The following MAP2 variants were observed in gnomAD, a reference collection of about 807,000 sequenced individuals.
MAP2 encodes microtubule-associated protein 2.
In MAP2, 14 loss-of-function variants were observed where a neutral mutation model predicts 137.6. The observed-to-expected ratio is 0.10, with a 90% CI of 0.07 to 0.16. The LOEUF is 0.16. MAP2 is among the 10% of genes least tolerant of loss of function. The pLI, the probability that MAP2 is intolerant of heterozygous loss-of-function variation, is 1.00. For synonymous variants in MAP2, 786 were observed against 782.3 expected (o/e 1.00, Z -0.08); for missense variants, 2,088 against 2,191.5 (o/e 0.95, Z 0.94).
chr2:209,447,192 T>G (rs1378083779), intron 1 of MAP2, among the ~76,000 whole-genome samples: 1 of 151,966 alleles, frequency 6.6e-6, no homozygotes, highest in East Asian at 1.9e-4. Flanking sequence ...ATCCTTTTTG[T>G]TCAGACCCAA....
chr2:209,485,038 T>A (rs565830472), intron 1 of MAP2, among the ~76,000 whole-genome samples: 3 of 152,338 alleles, frequency 2.0e-5, no homozygotes, highest in African/African-American at 7.2e-5. Context: ...AGCTGCTCAT[T>A]ACAGACAGGG....
intron 2 of MAP2, among the ~76,000 whole-genome samples, chr2:209,578,473 T>G (rs2075708229): frequency 6.6e-6 from 1 of 151,492 alleles, no homozygotes; most frequent in African/African-American, 2.4e-5. Context: ...CCCTGTAGTC[T>G]CATTCTCTCT....
At chr2:209,577,116 A>G (rs1412521196) in intron 2 of MAP2, among the ~76,000 whole-genome samples, 1 of 152,238 alleles carries the variant, frequency 6.6e-6, no homozygotes, top group African/African-American at 2.4e-5. Flanking sequence ...AAGACAATAC[A>G]TTAAAATAAA....
chr2:209,631,047 A>T (rs2092991106), intron 4 of MAP2, among the ~76,000 whole-genome samples: 1 of 136,250 alleles, frequency 7.3e-6, no homozygotes. Context: ...AGAGAGAGAG[A>T]GCGAGAATAG....
intron 1 of MAP2, among the ~76,000 whole-genome samples, chr2:209,480,870 C>T (rs948078000): frequency 6.6e-6 from 1 of 152,130 alleles, no homozygotes; most frequent in Non-Finnish European, 1.5e-5. Context: ...TTCTCTTTCT[C>T]ACTCTCCATC....
intron 2 of MAP2, among the ~76,000 whole-genome samples, chr2:209,555,109 C>T (rs578150545): frequency 1.3e-5 from 2 of 152,006 alleles, no homozygotes; most frequent in Admixed American, 1.3e-4. Flanking sequence ...ATGATTCATA[C>T]AGAAGATAGC....
intron 2 of MAP2, among the ~76,000 whole-genome samples, chr2:209,562,281 A>G (rs1373424188): frequency 6.6e-6 from 1 of 152,128 alleles, no homozygotes; most frequent in Non-Finnish European, 1.5e-5. Flanking sequence ...AATATTACTA[A>G]TTTATTTATT....
At chr2:209,627,149 C>T (rs973336965) in intron 4 of MAP2, among the ~76,000 whole-genome samples, 4 of 151,914 alleles carry the variant, frequency 2.6e-5, no homozygotes, top group Non-Finnish European at 5.9e-5. Context: ...TAAATTACTA[C>T]CTTTGGAATT....
At chr2:209,437,227 C>T (rs184213755) in intron 1 of MAP2, among the ~76,000 whole-genome samples, 11 of 151,704 alleles carry the variant, frequency 7.3e-5, no homozygotes, top group African/African-American at 1.9e-4. Context: ...TTTCACTGTT[C>T]GTTATCACAA....
At position 209,470,689 on chromosome 2, in the gene MAP2, C is replaced by T. The variant is rs1445327496; in HGVS notation, c.-221-36903C>T. ...TGTCTCCATCATAGCTCCCATGCAC[C>T]ATGTACTTTCAATTCTGAGGTCAGC... is the stretch of plus-strand genomic sequence containing the variant. On this transcript the variant is annotated intron_variant, in intron 1 of 15. Transcript: ENST00000682079. Among the ~76,000 whole-genome samples the T allele has an allele frequency of 3.3e-5, 5 of 152,128 alleles. No individual in the cohort carries two copies. The South Asian group carries it at 6.2e-4, about 19-fold the overall frequency.
intron 1 of MAP2, among the ~76,000 whole-genome samples, chr2:209,497,942 C>T (rs1385223759): frequency 6.6e-6 from 1 of 152,170 alleles, no homozygotes; most frequent in African/African-American, 2.4e-5. Flanking sequence ...TTCCAAATTT[C>T]ATGTCCTTCT....
chr2:209,626,582 C>T (rs971758844), intron 4 of MAP2, among the ~76,000 whole-genome samples: 9 of 152,078 alleles, frequency 5.9e-5, no homozygotes, highest in African/African-American at 1.7e-4. Context: ...ATGTCAAAAC[C>T]CTAAAGATCA....
intron 1 of MAP2, among the ~76,000 whole-genome samples, chr2:209,471,942 T>G (rs1705832280): frequency 1.3e-5 from 2 of 152,108 alleles, no homozygotes; most frequent in African/African-American, 4.8e-5. Flanking sequence ...ATAAATCAAA[T>G]TTTATGGTTA....
At chr2:209,640,877 ATTCTTTTTTTTTTTTTTGTCTT>A (rs1213024915) in intron 4 of MAP2, among the ~76,000 whole-genome samples, 2 of 52,944 alleles carry the variant, frequency 3.8e-5, no homozygotes, top group Non-Finnish European at 8.8e-5. Context: ...TCAATTATCT[ATTCTTTTTTTTTTTTTTGTCTT>A]TTCATGACTG....
At chr2:209,691,490 G>A (rs967698694) in intron 7 of MAP2, among the ~76,000 whole-genome samples, 21 of 152,018 alleles carry the variant, frequency 1.4e-4, no homozygotes, top group Middle Eastern at 3.4e-3. Flanking sequence ...GTTACAACAG[G>A]ACACATAAGT....
rs543804392 is a variant in MAP2, at chr2:209,457,743, C to T, written c.-222+33467C>T. 2.1e-4 allele frequency among the ~76,000 whole-genome samples: 32 copies of T among 152,254 alleles called. 1 individual carries two copies. The highest frequency in any genetic ancestry group is 5.8e-4 in the African/African-American group (24 of 41,540). On this transcript the variant is annotated intron_variant, in intron 1 of 15. Transcript: ENST00000682079. ...TGAAAATGGGAGGATACATGAGAAG[C>T]GTTCTAGAGATAGGGACATGGAGAT...
At chr2:209,523,588 T>C (rs2150426361) in intron 2 of MAP2, among the ~76,000 whole-genome samples, 1 of 152,258 alleles carries the variant, frequency 6.6e-6, no homozygotes, top group East Asian at 1.9e-4. Context: ...AGCTGCTGCT[T>C]CTCCACTGGA....
chr2:209,684,582 A>G (rs2056256997), intron 7 of MAP2: 1 of 152,246 alleles, frequency 6.6e-6, no homozygotes, highest in South Asian at 2.1e-4. Flanking sequence ...AGCCCAGTGT[A>G]AATTTTCAAA....
intron 1 of MAP2, among the ~76,000 whole-genome samples, chr2:209,457,761 A>G (rs986135385): frequency 6.6e-6 from 1 of 152,218 alleles, no homozygotes; most frequent in African/African-American, 2.4e-5. Flanking sequence ...AGATAGGGAC[A>G]TGGAGATGGG....
Sources: gnomAD v4.1 joint callset for allele counts (sites outside exome capture counted in the v4.1 genomes callset) on GRCh38, gnomAD v4.1.1 for gene constraint, MANE v1.5 for transcripts, NCBI Gene and HGNC (gene_info 2026-07-23, HGNC 2026-07-21) for gene names.